The following NAV2 variants were observed in gnomAD, a reference collection of about 807,000 sequenced individuals.
NAV2 encodes neuron navigator 2, also known as helicase, APC down-regulated 1.
In NAV2, 54 loss-of-function variants were observed where a neutral mutation model predicts 223.2. That is an observed-to-expected ratio of 0.24 (90% CI 0.19 to 0.30). The LOEUF (loss-of-function observed/expected upper bound fraction) is 0.30. Among genes scored for constraint, NAV2 ranks in the 10% least tolerant of loss-of-function variants. The pLI, the probability that NAV2 is intolerant of heterozygous loss-of-function variation, is 1.00. For synonymous variants in NAV2, 1,279 were observed against 1,239.3 expected, an observed-to-expected ratio of 1.03 and a Z score of -0.67; for missense variants, 2,806 against 3,147.5, an observed-to-expected ratio of 0.89 and a Z score of 2.60.
intron 1 of NAV2, among the ~76,000 whole-genome samples, chr11:19,670,220 A>ACATCTCTGCGTAGGCCTCAGATCCTTTAG (rs2048541218): frequency 6.6e-6 from 1 of 152,162 alleles, no homozygotes; most frequent in East Asian, 1.9e-4. Context: ...CCCATCCATG[A>ACATCTCTGCGTAGGCCTCAGATCCTTTAG]CATCTCTGCG....
At position 19,834,481 on chromosome 11, in the gene NAV2, G is replaced by A. The variant is rs190727560; in HGVS notation, c.385+1880G>A. Among the ~76,000 whole-genome samples the A allele has an allele frequency of 2.0e-5, 3 of 152,152 alleles. No homozygotes were observed. The East Asian group carries it at 5.8e-4, about 29-fold the overall frequency. ...TAGTAACCACTTATTGAGCACCAAT[G>A]TGTTCCAGTTCTGTACTCCTTGCTA... On this transcript the variant is annotated intron_variant, in intron 2 of 37. Transcript: ENST00000349880.
At chr11:19,754,239 A>G (rs1254187418) in intron 1 of NAV2, among the ~76,000 whole-genome samples, 1 of 151,940 alleles carries the variant, frequency 6.6e-6, no homozygotes, top group Admixed American at 6.6e-5. Context: ...CTGAGTTGAT[A>G]TTCCCTTATC....
At position 19,416,251 on chromosome 11, in the gene NAV2, A is replaced by G. The variant is rs575265978; in HGVS notation, c.75+65224A>G. 2.6e-4 allele frequency among the ~76,000 whole-genome samples: 39 copies of G among 152,358 alleles called. No individual in the cohort carries two copies. In the East Asian group the frequency reaches 6.4e-3, roughly 25 times the overall value. Reference sequence around the variant, plus strand: ...TGATAAGCAACTTCAGCAAAGTCTCAGGATACAAAATCAATGTGCAAAAAT... The same window carrying G: ...TGATAAGCAACTTCAGCAAAGTCTCGGGATACAAAATCAATGTGCAAAAAT... On this transcript the variant is annotated intron_variant, in intron 1 of 37. Coordinates refer to the NAV2 transcript ENST00000360655.
intron 1 of NAV2, among the ~76,000 whole-genome samples, chr11:19,438,183 G>A (rs762102708): frequency 2.6e-5 from 4 of 152,300 alleles, no homozygotes; most frequent in East Asian, 1.9e-4. Flanking sequence ...TGGCCTCATC[G>A]TTGTGCTTTA....
intron 1 of NAV2, among the ~76,000 whole-genome samples, chr11:19,621,937 G>A (rs542055846): frequency 4.1e-4 from 62 of 152,272 alleles, no homozygotes; most frequent in African/African-American, 1.4e-3. Context: ...ATGTGTCCCA[G>A]GGATTCTGGT....
chr11:19,880,919 GTTTTC>G, intron 5 of NAV2, among the ~76,000 whole-genome samples: 1 of 152,326 alleles, frequency 6.6e-6, no homozygotes, highest in Admixed American at 6.5e-5. Flanking sequence ...AGTTCATACT[GTTTTC>G]TTTTAAGCCA....
intron 24 of NAV2, among the ~76,000 whole-genome samples, chr11:20,078,878 T>C (rs192905001): frequency 2.0e-5 from 3 of 152,300 alleles, no homozygotes; most frequent in Admixed American, 2.0e-4. Flanking sequence ...AGAAGTAATA[T>C]GGAGAGCTAG....
At chr11:19,589,362 G>A (rs1251878916) in intron 1 of NAV2, among the ~76,000 whole-genome samples, 1 of 152,188 alleles carries the variant, frequency 6.6e-6, no homozygotes, top group Non-Finnish European at 1.5e-5. Flanking sequence ...TTTTAATCAA[G>A]GAAATAAATT....
At chr11:20,010,798 T>C (rs1364050447) in intron 11 of NAV2, among the ~76,000 whole-genome samples, 1 of 152,208 alleles carries the variant, frequency 6.6e-6, no homozygotes, top group African/African-American at 2.4e-5. Context: ...TTTAGGTAAA[T>C]TAATACCTGG....
chr11:19,581,525 C>T (rs1386100972), intron 1 of NAV2, among the ~76,000 whole-genome samples: 1 of 152,090 alleles, frequency 6.6e-6, no homozygotes, highest in Non-Finnish European at 1.5e-5. Flanking sequence ...CTCTCCCCCA[C>T]CCCACAACAG....
chr11:19,367,456 T>C (rs1303967073), intron 1 of NAV2, among the ~76,000 whole-genome samples: 1 of 152,226 alleles, frequency 6.6e-6, no homozygotes, highest in African/African-American at 2.4e-5. Flanking sequence ...TATTTCTGGT[T>C]TTATGTCTGG....
chr11:19,961,641 C>T (rs911775269), intron 10 of NAV2, among the ~76,000 whole-genome samples: 4 of 152,124 alleles, frequency 2.6e-5, no homozygotes, highest in Non-Finnish European at 5.9e-5. Context: ...CAGCTGTGAC[C>T]ATAGGGAAAT....
At chr11:19,401,878 C>G (rs921600565) in intron 1 of NAV2, 6 of 152,206 alleles carry the variant, frequency 3.9e-5, no homozygotes, top group African/African-American at 1.4e-4. Flanking sequence ...GTCACATTCA[C>G]GTGCACACAA....
chr11:19,620,417 G>T (rs1012150866), intron 1 of NAV2, among the ~76,000 whole-genome samples: 6 of 152,144 alleles, frequency 3.9e-5, no homozygotes, highest in Non-Finnish European at 5.9e-5. Flanking sequence ...CCATTTGTTT[G>T]TGTCCTCTTT....
chr11:19,991,608 A>C (rs2051340118), intron 11 of NAV2, among the ~76,000 whole-genome samples: 1 of 152,266 alleles, frequency 6.6e-6, no homozygotes, highest in African/African-American at 2.4e-5. Context: ...AAACGAGTAT[A>C]GCATTAAGAC....
intron 1 of NAV2, among the ~76,000 whole-genome samples, chr11:19,812,840 A>C (rs1005829981): frequency 7.9e-5 from 12 of 152,192 alleles, no homozygotes; most frequent in Admixed American, 2.6e-4. Context: ...ACAATGAAAA[A>C]AGGCAATCTT....
chr11:20,111,795 G>A (rs978293880), intron 36 of NAV2, among the ~76,000 whole-genome samples: 1 of 152,234 alleles, frequency 6.6e-6, no homozygotes, highest in African/African-American at 2.4e-5. Context: ...AAATTGACAA[G>A]TTTGGACTAG....
At chr11:19,510,926 A>G (rs1048840897) in intron 1 of NAV2, 16 of 152,242 alleles carry the variant, frequency 1.1e-4, no homozygotes, top group African/African-American at 3.4e-4. Context: ...TATAAACTCA[A>G]AAAGGGCTGG....
At chr11:19,595,745 A>G (rs2135188414) in intron 1 of NAV2, among the ~76,000 whole-genome samples, 1 of 151,148 alleles carries the variant, frequency 6.6e-6, no homozygotes, top group South Asian at 2.1e-4. Flanking sequence ...TTTTTTTTTT[A>G]GTGATGGGGT....
Sources: allele counts gnomAD v4.1 joint callset (sites outside exome capture counted in the v4.1 genomes callset), GRCh38; gene constraint gnomAD v4.1.1; transcripts MANE v1.5; gene names NCBI Gene and HGNC (gene_info 2026-07-23, HGNC 2026-07-21).